EYA1: variants seen among roughly 807,000 people sequenced by gnomAD.
The protein encoded by EYA1 is protein phosphatase EYA1.
Under a neutral mutation model 82.0 loss-of-function variants are expected in EYA1, and 16 were observed. That is an observed-to-expected ratio of 0.20 (90% CI 0.13 to 0.30). The LOEUF (loss-of-function observed/expected upper bound fraction) is 0.30. Among genes scored for constraint, EYA1 ranks in the 10% least tolerant of loss-of-function variants. EYA1 has a pLI of 1.00. For missense variants in EYA1, 633 were observed against 730.7 expected (o/e 0.87, Z 1.54); for synonymous variants, 261 against 264.4 (o/e 0.99, Z 0.12).
intron 2 of EYA1, among the ~76,000 whole-genome samples, chr8:71,399,446 A>G (rs150842311): frequency 6.6e-6 from 1 of 152,272 alleles, no homozygotes; most frequent in East Asian, 1.9e-4. Flanking sequence ...TCTCTTCTAT[A>G]CATGTGGTTA....
In EYA1 at chr8:71,250,408, C is replaced by T. The variant is rs567407712; in HGVS notation, c.1051-5716G>A. On this transcript the variant is annotated intron_variant, in intron 11 of 17. Transcript: ENST00000340726. ...CAGCGCTCCCCGCTGGGCCCCTTTC[C>T]CAGTTCCGCAGCTCCACCTCCCTGA... is the stretch of plus-strand genomic sequence containing the variant. 8.7e-4 allele frequency among the ~76,000 whole-genome samples: 133 copies of T among 152,282 alleles called. 1 individual carries two copies. Among genetic ancestry groups the T allele is most frequent in the Non-Finnish European group, 1.4e-3 (97 of 68,018 alleles).
At position 71,322,202 on chromosome 8, in the gene EYA1, G is replaced by A. The variant is rs1379371014; in HGVS notation, c.269C>T (p.Ser90Phe). Residue 90 changes from serine to phenylalanine, a missense_variant, in exon 5 of 18, where the codon TCC becomes TTC. Transcript: ENST00000340726. ...ATTAAGAGAAAATACATCTTACTTGGAAGGGTAAATCTGTGGTGGAGAGAA... is the reference window on the plus strand; with the variant it reads ...ATTAAGAGAAAATACATCTTACTTGAAAGGGTAAATCTGTGGTGGAGAGAA... ...HQFSPPQIYP[S>F]NRPYPHILPT... is the part of the protein sequence containing the mutation. The A allele has an allele frequency of 6.2e-7, 1 of 1,612,334 alleles. No individual in the cohort carries two copies. The highest frequency in any genetic ancestry group is 1.1e-5 in the South Asian group (1 of 91,052).
At chr8:71,336,692 C>T (rs1824524866) in intron 3 of EYA1, among the ~76,000 whole-genome samples, 1 of 152,140 alleles carries the variant, frequency 6.6e-6, no homozygotes, top group African/African-American at 2.4e-5. Flanking sequence ...TTTTAGGCCC[C>T]AATAACACTG....
At chr8:71,544,315 C>G (rs889610722) in intron 1 of EYA1, among the ~76,000 whole-genome samples, 1 of 152,118 alleles carries the variant, frequency 6.6e-6, no homozygotes, top group Non-Finnish European at 1.5e-5. Flanking sequence ...ATTCAAATTT[C>G]TATCTAGGGC....
At chr8:71,209,796 A>G (rs1479427950) in intron 17 of EYA1, among the ~76,000 whole-genome samples, 1 of 152,244 alleles carries the variant, frequency 6.6e-6, no homozygotes, top group African/African-American at 2.4e-5. Flanking sequence ...TTAATCCCAT[A>G]AAATATTTAA....
At position 71,351,113 on chromosome 8, in the gene EYA1, G is replaced by A. The variant is rs80030112; in HGVS notation, c.124+3669C>T. Among the ~76,000 whole-genome samples the A allele has an allele frequency of 9.3e-3, 1,413 of 152,002 alleles. 22 individuals are homozygous for A. Among genetic ancestry groups the A allele is most frequent in the African/African-American group, 0.032 (1,307 of 41,490 alleles). On this transcript the variant is annotated intron_variant, in intron 3 of 17. Transcript: ENST00000340726. The stretch of plus-strand genomic sequence containing the variant: ...AAGCTATGCTTTAACAATAAAATAC[G>A]TGGAATAGAATTTCTATTCCATCTT...
chr8:71,312,172 T>G (rs925398273), intron 7 of EYA1, among the ~76,000 whole-genome samples: 2 of 152,244 alleles, frequency 1.3e-5, no homozygotes, highest in African/African-American at 4.8e-5. Flanking sequence ...ACTAGTTATA[T>G]AACTAAGTAT....
chr8:71,276,223 A>G (rs9643407), intron 9 of EYA1, among the ~76,000 whole-genome samples: 42,748 of 152,122 alleles, frequency 0.28, 6,081 homozygotes, highest in Admixed American at 0.31. Context: ...CACTAATAAT[A>G]AACAGTTAGT....
At chr8:71,360,515 C>T (rs1422637963) in intron 1 of EYA1, among the ~76,000 whole-genome samples, 4 of 152,162 alleles carry the variant, frequency 2.6e-5, no homozygotes, top group African/African-American at 9.7e-5. Flanking sequence ...TGTCTGTCAC[C>T]GCAAAGAATG....
At chr8:71,277,115 ATTTTTTTTTTTTTTTTTT>A (rs9298167) in intron 9 of EYA1, among the ~76,000 whole-genome samples, 3 of 76,936 alleles carry the variant, frequency 3.9e-5, no homozygotes, top group Non-Finnish European at 6.9e-5. Flanking sequence ...GGCTTCACAC[ATTTTTTTTTTTTTTTTTT>A]TTTTTTTTTT....
At chr8:71,363,656 A>G (rs1476234419), upstream of EYA1, among the ~76,000 whole-genome samples, 1 of 152,208 alleles carries the variant, frequency 6.6e-6, no homozygotes, top group Admixed American at 6.5e-5. Flanking sequence ...TATATGCAGA[A>G]AATAAAATAC....
At chr8:71,425,051 G>C (rs570666375) in intron 2 of EYA1, among the ~76,000 whole-genome samples, 1 of 142,036 alleles carries the variant, frequency 7.0e-6, no homozygotes, top group South Asian at 2.2e-4. Context: ...ACGAGGTCAG[G>C]AGATCGAGAC....
chr8:71,537,412 G>A (rs1412132942), intron 1 of EYA1, among the ~76,000 whole-genome samples: 1 of 152,146 alleles, frequency 6.6e-6, no homozygotes, highest in Non-Finnish European at 1.5e-5. Context: ...AGGATTCCTT[G>A]CATAATTAGG....
At chr8:71,303,575 C>T (rs1347529350) in intron 7 of EYA1, among the ~76,000 whole-genome samples, 2 of 140,882 alleles carry the variant, frequency 1.4e-5, no homozygotes, top group African/African-American at 5.0e-5. Flanking sequence ...ATTAATTTTT[C>T]ACGACCAGAA....
At chr8:71,211,383 G>A (rs1032986687) in intron 16 of EYA1, 127 bp from the exon 17 acceptor site, 2 of 691,922 alleles carry the variant, frequency 2.9e-6, no homozygotes, top group South Asian at 1.5e-5. Context: ...ACCTCTAAGA[G>A]GAATGCTTTT....
intron 11 of EYA1, among the ~76,000 whole-genome samples, chr8:71,249,917 C>T (rs951859619): frequency 3.1e-4 from 47 of 152,198 alleles, no homozygotes; most frequent in African/African-American, 1.1e-3. Context: ...CCAACCCAGA[C>T]CTTGGCATTT....
Position 71,465,991 on chromosome 8 carries a change from T to C in EYA1, c.33+69753A>G, listed in dbSNP as rs186645250. On this transcript the variant is annotated intron_variant, in intron 2 of 18. Coordinates refer to the EYA1 transcript ENST00000643681. ...ATATTTCACAGAATAAATGAAAAGA[T>C]TGTCCATCAAAACATTCTGCCCTAG... is the stretch of plus-strand genomic sequence containing the variant. Among the ~76,000 whole-genome samples the C allele has an allele frequency of 1.6e-3, 241 of 152,356 alleles. 2 individuals are homozygous for C. Among genetic ancestry groups the C allele is most frequent in the African/African-American group, 5.5e-3 (228 of 41,590 alleles).
intron 2 of EYA1, among the ~76,000 whole-genome samples, chr8:71,419,552 G>T (rs1450901279): frequency 6.6e-6 from 1 of 152,058 alleles, no homozygotes; most frequent in African/African-American, 2.4e-5. Flanking sequence ...GAATTGGGAT[G>T]GAAAGTGACA....
chr8:71,464,850 T>C (rs1252166503), intron 2 of EYA1, among the ~76,000 whole-genome samples: 2 of 152,200 alleles, frequency 1.3e-5, no homozygotes, highest in Admixed American at 6.5e-5. Context: ...TCACTTCCTA[T>C]TGGTGATCTT....
Sources: gnomAD v4.1 joint callset for allele counts (sites outside exome capture counted in the v4.1 genomes callset) on GRCh38, gnomAD v4.1.1 for gene constraint, MANE v1.5 for transcripts, NCBI Gene and HGNC (gene_info 2026-07-23, HGNC 2026-07-21) for gene names.